FRMD4B: variants seen among roughly 807,000 people sequenced by gnomAD.
The protein encoded by FRMD4B is FERM domain-containing protein 4B.
In FRMD4B, 74 loss-of-function variants were observed where a neutral mutation model predicts 141.5. That is an observed-to-expected ratio of 0.52 (90% CI 0.43 to 0.63). The LOEUF (loss-of-function observed/expected upper bound fraction) is 0.63, where lower values mean the gene tolerates loss of function less well. Ranked by LOEUF, FRMD4B falls within the 30% of genes least tolerant of loss-of-function variation. FRMD4B has a pLI of 0.00. For missense variants in FRMD4B, 1,366 were observed against 1,253.4 expected (o/e 1.09, Z -1.36); for synonymous variants, 506 against 467.9 (o/e 1.08, Z -1.05).
intron 2 of FRMD4B, among the ~76,000 whole-genome samples, chr3:69,401,722 T>A (rs1042856831): frequency 2.0e-5 from 3 of 152,128 alleles, no homozygotes; most frequent in Admixed American, 2.0e-4. Context: ...AAAATTTTTA[T>A]ATTTTTTGTA....
intron 1 of FRMD4B, among the ~76,000 whole-genome samples, chr3:69,332,844 G>A (rs757974997): frequency 1.5e-4 from 22 of 144,860 alleles, no homozygotes; most frequent in African/African-American, 4.1e-4. Context: ...CGCCTTAAGC[G>A]CTGGGATTAC....
intron 3 of FRMD4B, chr3:69,310,579 CACAGAGAGAGAG>C (rs1199144124): frequency 4.2e-4 from 111 of 266,594 alleles, no homozygotes; most frequent in African/African-American, 1.1e-3. Flanking sequence ...CACACACACA[CACAGAGAGAGAG>C]AGAGAGAGAG....
intron 1 of FRMD4B, among the ~76,000 whole-genome samples, chr3:69,368,574 T>G (rs919108923): frequency 6.6e-6 from 1 of 152,230 alleles, no homozygotes; most frequent in Non-Finnish European, 1.5e-5. Flanking sequence ...TTGCCACATT[T>G]TGAGTATGTC....
intron 1 of FRMD4B, among the ~76,000 whole-genome samples, chr3:69,461,365 C>G (rs560805445): frequency 1.4e-5 from 2 of 147,986 alleles, no homozygotes; most frequent in Non-Finnish European, 3.0e-5. Context: ...TCGAGACCAT[C>G]CTGGGAAACA....
intron 2 of FRMD4B, among the ~76,000 whole-genome samples, chr3:69,394,540 G>T (rs1482248226): frequency 6.6e-6 from 1 of 152,204 alleles, no homozygotes; most frequent in Non-Finnish European, 1.5e-5. Flanking sequence ...ATGCTGTGGA[G>T]GAATAGGAAC....
chr3:69,226,234 C>G (rs1187292668), intron 7 of FRMD4B, among the ~76,000 whole-genome samples: 1 of 152,044 alleles, frequency 6.6e-6, no homozygotes, highest in Non-Finnish European at 1.5e-5. Context: ...AAGAATAAAT[C>G]TCTCTATTCA....
At chr3:69,408,757 A>C (rs1704701147) in intron 2 of FRMD4B, among the ~76,000 whole-genome samples, 1 of 151,990 alleles carries the variant, frequency 6.6e-6, no homozygotes, top group Admixed American at 6.6e-5. Flanking sequence ...AGGGGACCAG[A>C]GCCACCTTAG....
At chr3:69,336,971 G>A (rs1300760312) in intron 1 of FRMD4B, among the ~76,000 whole-genome samples, 1 of 152,056 alleles carries the variant, frequency 6.6e-6, no homozygotes, top group Non-Finnish European at 1.5e-5. Context: ...AAACACAGTG[G>A]CAAAGACATG....
At chr3:69,518,349 C>T (rs1056837400) in intron 1 of FRMD4B, among the ~76,000 whole-genome samples, 1 of 152,110 alleles carries the variant, frequency 6.6e-6, no homozygotes, top group African/African-American at 2.4e-5. Flanking sequence ...TACCGAGTCC[C>T]TTCTTCCCTT....
At chr3:69,455,963 A>G (rs529614290) in intron 1 of FRMD4B, among the ~76,000 whole-genome samples, 1 of 152,282 alleles carries the variant, frequency 6.6e-6, no homozygotes, top group East Asian at 1.9e-4. Context: ...AATCAGAACC[A>G]CTTGCCATCA....
chr3:69,358,089 G>T (rs13094057), intron 1 of FRMD4B, among the ~76,000 whole-genome samples: 2,515 of 152,254 alleles, frequency 0.017, 31 homozygotes, highest in Non-Finnish European at 0.024. Context: ...TGCAATTGAG[G>T]AATTACACAT....
chr3:69,246,750 T>C (rs935207840), intron 7 of FRMD4B, among the ~76,000 whole-genome samples: 3 of 152,222 alleles, frequency 2.0e-5, no homozygotes, highest in African/African-American at 7.2e-5. Flanking sequence ...TTAGTGTAGT[T>C]TGGACAATTT....
At chr3:69,173,496 G>T (rs1490769216) in intron 22 of FRMD4B, among the ~76,000 whole-genome samples, 1 of 151,802 alleles carries the variant, frequency 6.6e-6, no homozygotes, top group East Asian at 1.9e-4. Context: ...CATTTTTATC[G>T]TTAACACCTA....
At chr3:69,449,828 T>C (rs1705467469) in intron 1 of FRMD4B, among the ~76,000 whole-genome samples, 1 of 152,220 alleles carries the variant, frequency 6.6e-6, no homozygotes. Context: ...GACCAATTTT[T>C]AACAATTTAA....
At chr3:69,260,551 C>G (rs954005803) in intron 5 of FRMD4B, among the ~76,000 whole-genome samples, 2 of 152,230 alleles carry the variant, frequency 1.3e-5, no homozygotes, top group African/African-American at 2.4e-5. Context: ...ATGCCTGAGC[C>G]CCCCCTTGGT....
intron 11 of FRMD4B, among the ~76,000 whole-genome samples, chr3:69,208,566 C>A (rs537376864): frequency 1.3e-5 from 2 of 151,166 alleles, no homozygotes; most frequent in East Asian, 3.9e-4. Flanking sequence ...TGAGAACAAG[C>A]CATACTGTTC....
chr3:69,297,758 C>A (rs1241488205), intron 4 of FRMD4B, among the ~76,000 whole-genome samples: 2 of 152,130 alleles, frequency 1.3e-5, no homozygotes, highest in African/African-American at 4.8e-5. Context: ...CAGATAACAA[C>A]CCCCAGCCTG....
rs562238599 is a variant in FRMD4B at position 69,295,362 on chromosome 3, C to T, written c.416+6981G>A. ...TTTGAGACAGGGTCTTGCTCTGCTG[C>T]CCGGGCTAGAGTGCAGTGGCCTGAT... On this transcript the variant is annotated intron_variant, in intron 4 of 22. Coordinates refer to ENST00000398540, the MANE Select transcript of FRMD4B (RefSeq NM_015123.3). Among the ~76,000 whole-genome samples the T allele has an allele frequency of 1.1e-3, 160 of 152,292 alleles. 1 individual carries two copies. Among genetic ancestry groups the T allele is most frequent in the Non-Finnish European group, 1.8e-3 (125 of 68,034 alleles).
At chr3:69,259,138 G>A (rs2093510601) in intron 5 of FRMD4B, among the ~76,000 whole-genome samples, 1 of 152,180 alleles carries the variant, frequency 6.6e-6, no homozygotes, top group African/African-American at 2.4e-5. Flanking sequence ...ATCCCACCTG[G>A]GGGTGATGGG....
Sources: allele counts gnomAD v4.1 joint callset (sites outside exome capture counted in the v4.1 genomes callset), GRCh38; gene constraint gnomAD v4.1.1; transcripts MANE v1.5; gene names NCBI Gene and HGNC (gene_info 2026-07-23, HGNC 2026-07-21).